Variants in CIMIP6 observed in about 807,000 individuals in gnomAD.
The protein encoded by CIMIP6 is ciliary microtubule inner protein 6, also known as uncharacterized protein C2orf73.
the CIMIP6 span, among the ~76,000 whole-genome samples, chr2:54,332,883 AG>A: frequency 4.6e-5 from 7 of 152,216 alleles, no homozygotes; most frequent in African/African-American, 1.4e-4. Context: ...TAATAGAAAA[AG>A]GTTTAGAAGT....
chr2:54,361,115 T>A, the CIMIP6 span: 5 of 152,224 alleles, frequency 3.3e-5, no homozygotes, highest in Admixed American at 1.3e-4. Flanking sequence ...TAATGTTCTC[T>A]TATATATTTA....
At chr2:54,339,052 A>G in the CIMIP6 span, among the ~76,000 whole-genome samples, 4 of 72,618 alleles carry the variant, frequency 5.5e-5, 2 homozygotes, top group Non-Finnish European at 1.4e-4. Context: ...GCTATTTGGG[A>G]GGCTGAGGCA....
At chr2:54,381,715 T>A in the CIMIP6 span, 1 of 1,287,466 alleles carries the variant, frequency 7.8e-7, no homozygotes, top group African/African-American at 1.5e-5. Flanking sequence ...CTGTGCCATC[T>A]GCCCTTTTGA....
chr2:54,363,927 G>A, the CIMIP6 span, among the ~76,000 whole-genome samples: 1 of 152,194 alleles, frequency 6.6e-6, no homozygotes, highest in Admixed American at 6.5e-5. Context: ...ATAATTTAGA[G>A]GAGAATGGTC....
the CIMIP6 span, among the ~76,000 whole-genome samples, chr2:54,377,406 TTA>T: frequency 6.6e-6 from 1 of 152,064 alleles, no homozygotes; most frequent in Non-Finnish European, 1.5e-5. Context: ...TTGTGAATAT[TTA>T]TGACATTTAT....
At chr2:54,374,821 T>C in the CIMIP6 span, among the ~76,000 whole-genome samples, 1 of 152,196 alleles carries the variant, frequency 6.6e-6, no homozygotes, top group Admixed American at 6.5e-5. Flanking sequence ...CCCTTTCAGT[T>C]TTCCGCTGGC....
the CIMIP6 span, among the ~76,000 whole-genome samples, chr2:54,344,826 A>G: frequency 2.6e-5 from 4 of 152,206 alleles, no homozygotes; most frequent in Admixed American, 2.6e-4. Flanking sequence ...CAACAAAACA[A>G]AAGCTTGGAA....
At chr2:54,345,627 C>G in the CIMIP6 span, among the ~76,000 whole-genome samples, 2 of 152,148 alleles carry the variant, frequency 1.3e-5, no homozygotes, top group Non-Finnish European at 2.9e-5. Flanking sequence ...AAATAACGTG[C>G]CCAAGGCTAG....
At chr2:54,346,844 C>A in the CIMIP6 span, among the ~76,000 whole-genome samples, 2 of 152,234 alleles carry the variant, frequency 1.3e-5, no homozygotes, top group African/African-American at 4.8e-5. Context: ...ATATTCTCCT[C>A]CTTTAGATTC....
At chr2:54,379,765 C>G in the CIMIP6 span, among the ~76,000 whole-genome samples, 4 of 151,662 alleles carry the variant, frequency 2.6e-5, no homozygotes, top group African/African-American at 9.7e-5. Context: ...CACCTGAGGT[C>G]AGGAGTTTGA....
chr2:54,370,764 G>C, the CIMIP6 span, among the ~76,000 whole-genome samples: 1 of 152,202 alleles, frequency 6.6e-6, no homozygotes, highest in Non-Finnish European at 1.5e-5. Context: ...CCAAGGCCAG[G>C]ATAGCAGAGT....
chr2:54,350,231 T>C, the CIMIP6 span, among the ~76,000 whole-genome samples: 1 of 152,256 alleles, frequency 6.6e-6, no homozygotes, highest in Non-Finnish European at 1.5e-5. Flanking sequence ...TTCATTTTAA[T>C]TGATTTGACT....
the CIMIP6 span, among the ~76,000 whole-genome samples, chr2:54,371,059 T>C: frequency 4.6e-5 from 7 of 152,230 alleles, no homozygotes; most frequent in Non-Finnish European, 8.8e-5. Flanking sequence ...GGGTGACCTT[T>C]AACAGAAAGC....
the CIMIP6 span, among the ~76,000 whole-genome samples, chr2:54,356,394 T>G: frequency 6.6e-6 from 1 of 152,318 alleles, no homozygotes; most frequent in South Asian, 2.1e-4. Context: ...CCCAAGGCAA[T>G]GTGAGGGAAA....
At chr2:54,378,540 AT>A in the CIMIP6 span, among the ~76,000 whole-genome samples, 1 of 152,238 alleles carries the variant, frequency 6.6e-6, no homozygotes, top group Non-Finnish European at 1.5e-5. Context: ...GAAAATATGC[AT>A]GTGAAATTAC....
the CIMIP6 span, among the ~76,000 whole-genome samples, chr2:54,374,171 C>T: frequency 6.6e-6 from 1 of 152,208 alleles, no homozygotes; most frequent in African/African-American, 2.4e-5. Flanking sequence ...TCTTCTACTC[C>T]ATACTCTCCA....
At chr2:54,376,210 C>CTT in the CIMIP6 span, among the ~76,000 whole-genome samples, 1 of 147,216 alleles carries the variant, frequency 6.8e-6, no homozygotes, top group African/African-American at 2.5e-5. Flanking sequence ...TGATTTCTAC[C>CTT]TTTTTTTTTT....
the CIMIP6 span, among the ~76,000 whole-genome samples, chr2:54,354,422 G>A: frequency 6.6e-6 from 1 of 152,104 alleles, no homozygotes; most frequent in Admixed American, 6.5e-5. Flanking sequence ...ATTAATTTAG[G>A]AAAAAGTCAC....
At chr2:54,345,598 G>C in the CIMIP6 span, among the ~76,000 whole-genome samples, 3 of 152,140 alleles carry the variant, frequency 2.0e-5, no homozygotes, top group African/African-American at 7.2e-5. Flanking sequence ...GAACTCCTTT[G>C]AAAGCAAGCA....
Sources: gnomAD v4.1 joint callset for allele counts (sites outside exome capture counted in the v4.1 genomes callset) on GRCh38, gnomAD v4.1.1 for gene constraint, MANE v1.5 for transcripts, NCBI Gene and HGNC (gene_info 2026-07-23, HGNC 2026-07-21) for gene names.